Variants in DAB1 observed in about 807,000 individuals in gnomAD.
DAB1 encodes disabled homolog 1.
Under a neutral mutation model 64.6 loss-of-function variants are expected in DAB1, and 15 were observed. The observed-to-expected ratio is 0.23, with a 90% CI of 0.16 to 0.36. The LOEUF is 0.36. Among genes scored for constraint, DAB1 ranks in the 10% least tolerant of loss-of-function variants. The pLI is 1.00. For synonymous variants in DAB1, 235 were observed against 251.9 expected (o/e 0.93, Z 0.64); for missense variants, 596 against 706.7 (o/e 0.84, Z 1.78).
chr1:58,233,440 T>C (rs1038395799), intron 4 of DAB1, among the ~76,000 whole-genome samples: 2 of 152,114 alleles, frequency 1.3e-5, no homozygotes, highest in Admixed American at 6.6e-5. Context: ...CCGATCACCA[T>C]ATGGAGCCCC....
chr1:57,071,776 C>G (rs757474068), intron 5 of DAB1, 135 bp from the exon 6 acceptor site: 1 of 857,140 alleles, frequency 1.2e-6, no homozygotes, highest in Non-Finnish European at 1.8e-6. Flanking sequence ...TTAATTAATT[C>G]TTTGTTTATA....
At chr1:57,226,578 T>G (rs1203457880) in intron 2 of DAB1, among the ~76,000 whole-genome samples, 1 of 151,424 alleles carries the variant, frequency 6.6e-6, no homozygotes, top group Non-Finnish European at 1.5e-5. Flanking sequence ...TCTATTTGCA[T>G]TCCCTTCCCA....
intron 4 of DAB1, among the ~76,000 whole-genome samples, chr1:58,323,587 C>T (rs564774179): frequency 3.2e-4 from 49 of 152,146 alleles, no homozygotes; most frequent in African/African-American, 1.1e-3. Context: ...GGGATACATT[C>T]GACATACTCT....
chr1:57,035,033 G>T (rs760901219), intron 9 of DAB1, among the ~76,000 whole-genome samples: 5 of 152,184 alleles, frequency 3.3e-5, no homozygotes, highest in Non-Finnish European at 7.3e-5. Flanking sequence ...CTTAACTGTG[G>T]CTTCAATGAG....
At chr1:57,020,331 C>T (rs1646572982) in intron 11 of DAB1, among the ~76,000 whole-genome samples, 1 of 152,220 alleles carries the variant, frequency 6.6e-6, no homozygotes, top group African/African-American at 2.4e-5. Flanking sequence ...CTGATGGAAG[C>T]ACTGCCAGGA....
At chr1:57,665,849 C>CTGTGTGTGTGTG (rs397862533) in intron 6 of DAB1, among the ~76,000 whole-genome samples, 1 of 137,174 alleles carries the variant, frequency 7.3e-6, no homozygotes, top group African/African-American at 2.7e-5. Flanking sequence ...TTTTAATTAT[C>CTGTGTGTGTGTG]TGTGTGTGTG....
rs898679072 is a variant in DAB1 at position 57,760,942 on chromosome 1, T to C, written n.552-111277A>G. On this transcript the variant is annotated intron_variant and non_coding_transcript_variant, in intron 6 of 20. Coordinates refer to the DAB1 transcript ENST00000485760. ...AAAGCCAAGGTGCAGCCACCTACAA[T>C]CTGCCTGTAGCAGGAGAAGGTGCAA... Among the ~76,000 whole-genome samples, 6 of 152,154 alleles carry C rather than the reference T, an allele frequency of 3.9e-5. No homozygotes were observed. The East Asian group carries it at 1.2e-3, about 29-fold the overall frequency.
At chr1:57,133,398 A>G (rs1438900720) in intron 4 of DAB1, among the ~76,000 whole-genome samples, 4 of 152,218 alleles carry the variant, frequency 2.6e-5, no homozygotes, top group African/African-American at 9.6e-5. Context: ...CAGTCAGGTC[A>G]GGGACACTCA....
chr1:58,524,550 C>T (rs745847386), intron 2 of DAB1, among the ~76,000 whole-genome samples: 1 of 152,152 alleles, frequency 6.6e-6, no homozygotes, highest in Non-Finnish European at 1.5e-5. Context: ...AAGTCTTTTG[C>T]AAAAAGTGCA....
At chr1:57,177,051 C>T (rs1405276699) in intron 2 of DAB1, among the ~76,000 whole-genome samples, 1 of 151,614 alleles carries the variant, frequency 6.6e-6, no homozygotes, top group African/African-American at 2.4e-5. Flanking sequence ...ATGTGTCCTC[C>T]CCTCTACCCA....
At chr1:57,471,980 G>T (rs967001316) in intron 7 of DAB1, among the ~76,000 whole-genome samples, 2 of 152,158 alleles carry the variant, frequency 1.3e-5, no homozygotes, top group Non-Finnish European at 2.9e-5. Context: ...TTGCAGAAGA[G>T]AAAATCTAGG....
chr1:57,814,790 G>T (rs1651775798), intron 6 of DAB1, among the ~76,000 whole-genome samples: 1 of 152,090 alleles, frequency 6.6e-6, no homozygotes, highest in Non-Finnish European at 1.5e-5. Flanking sequence ...GGACCACATG[G>T]CTCAGGCACC....
intron 4 of DAB1, among the ~76,000 whole-genome samples, chr1:58,216,669 C>G (rs1658872716): frequency 6.6e-6 from 1 of 152,204 alleles, no homozygotes; most frequent in Non-Finnish European, 1.5e-5. Context: ...ATTCCTATTT[C>G]TCCACATCCT....
intron 3 of DAB1, among the ~76,000 whole-genome samples, chr1:58,387,827 T>C (rs1346432981): frequency 6.6e-6 from 1 of 150,412 alleles, no homozygotes; most frequent in Admixed American, 6.7e-5. Flanking sequence ...CCCGGTTTTA[T>C]GCCATTCTCC....
At chr1:57,366,848 T>C (rs1680038902) in intron 1 of DAB1, among the ~76,000 whole-genome samples, 1 of 151,926 alleles carries the variant, frequency 6.6e-6, no homozygotes, top group African/African-American at 2.4e-5. Flanking sequence ...TTAACCTCCA[T>C]GCTGTTCTGA....
intron 2 of DAB1, among the ~76,000 whole-genome samples, chr1:58,519,641 A>T (rs1285102199): frequency 6.6e-6 from 1 of 152,228 alleles, no homozygotes; most frequent in East Asian, 1.9e-4. Flanking sequence ...GCATTCAATC[A>T]AAAATAAGCA....
intron 4 of DAB1, among the ~76,000 whole-genome samples, chr1:58,324,120 C>T (rs1214514592): frequency 6.6e-6 from 1 of 152,114 alleles, no homozygotes; most frequent in Non-Finnish European, 1.5e-5. Context: ...TTGTCAATCA[C>T]AGTAACCATA....
At chr1:58,226,468 G>A (rs1186979615) in intron 4 of DAB1, among the ~76,000 whole-genome samples, 3 of 151,590 alleles carry the variant, frequency 2.0e-5, no homozygotes, top group Admixed American at 6.6e-5. Flanking sequence ...AGCAGGGCTC[G>A]AGGTGGGTGT....
chr1:57,759,844 G>A (rs755864508), intron 6 of DAB1, among the ~76,000 whole-genome samples: 8 of 152,114 alleles, frequency 5.3e-5, no homozygotes, highest in East Asian at 1.9e-4. Context: ...TAACTTACAC[G>A]CAATTGTGCA....
Sources: gnomAD v4.1 joint callset for allele counts (sites outside exome capture counted in the v4.1 genomes callset) on GRCh38, gnomAD v4.1.1 for gene constraint, MANE v1.5 for transcripts, NCBI Gene and HGNC (gene_info 2026-07-23, HGNC 2026-07-21) for gene names.